COPA: variants seen among roughly 807,000 people sequenced by gnomAD.
The protein encoded by COPA is coatomer subunit alpha.
A neutral mutation model predicts 158.7 loss-of-function variants in COPA; 10 were observed. That is an observed-to-expected ratio of 0.06 (90% CI 0.04 to 0.11). The LOEUF (loss-of-function observed/expected upper bound fraction) is 0.11, where lower values mean the gene tolerates loss of function less well. Among genes scored for constraint, COPA ranks in the 10% least tolerant of loss-of-function variants. COPA has a pLI of 1.00. For missense variants in COPA, 1,065 were observed against 1,536.7 expected (o/e 0.69, Z 5.13); for synonymous variants, 462 against 542.8 (o/e 0.85, Z 2.07).
At chr1:160,316,750 C>CAAAAAAAAAAA (rs550170815) in intron 8 of COPA, among the ~76,000 whole-genome samples, 6 of 92,400 alleles carry the variant, frequency 6.5e-5, no homozygotes, top group Admixed American at 1.1e-4. Context: ...AATTCTGTCT[C>CAAAAAAAAAAA]AAAAAAAAAA....
intron 29 of COPA, 39 bp downstream of exon 29, chr1:160,291,973 G>A: frequency 1.2e-6 from 2 of 1,614,158 alleles, no homozygotes; most frequent in Non-Finnish European, 1.7e-6. Flanking sequence ...CAAGAATGTG[G>A]AAGTGCCCAG....
chr1:160,324,855 A>C (rs566667167), intron 7 of COPA, among the ~76,000 whole-genome samples: 1 of 152,344 alleles, frequency 6.6e-6, no homozygotes, highest in African/African-American at 2.4e-5. Context: ...GCTGATTTTA[A>C]GATACTGTAT....
intron 22 of COPA, 73 bp downstream of exon 22, chr1:160,295,988 C>G (rs974708248): frequency 1.3e-6 from 2 of 1,582,634 alleles, no homozygotes; most frequent in Admixed American, 1.7e-5. Flanking sequence ...GAGTGACATT[C>G]ATAATTTTAA....
chr1:160,298,898 C>A lies in COPA; in HGVS notation c.1924G>T (p.Val642Phe). 6.2e-7 allele frequency: 1 copy of A among 1,614,170 alleles called. No individual in the cohort carries two copies. Among genetic ancestry groups the A allele is most frequent in the Non-Finnish European group, 8.5e-7 (1 of 1,180,032 alleles). The part of the protein sequence containing the change: ...KGYPEVALHF[V>F]KDEKTRFSLA... ...CTAAAGCGAGTTTTCTCATCCTTGACAAAATGCAGTGCCACTTCAGGATAG... is the reference window on the plus strand; with the variant it reads ...CTAAAGCGAGTTTTCTCATCCTTGAAAAAATGCAGTGCCACTTCAGGATAG... Residue 642 changes from valine to phenylalanine, a missense_variant, in exon 19 of 33, where the codon GTC (valine) becomes TTC (phenylalanine). Coordinates refer to ENST00000241704, the MANE Select transcript of COPA (RefSeq NM_004371.4).
intron 19 of COPA, among the ~76,000 whole-genome samples, chr1:160,298,639 A>G (rs1658493163): frequency 6.6e-6 from 1 of 152,208 alleles, no homozygotes; most frequent in Admixed American, 6.5e-5. Context: ...GTTGACAAAA[A>G]TAGAAATGCG....
chr1:160,291,884 A>T lies in COPA; in HGVS notation c.3193T>A (p.Ser1065Thr), dbSNP rs777993833. 3.1e-6 allele frequency: 5 copies of T among 1,613,952 alleles called. No individual in the cohort carries two copies. In the South Asian group the frequency reaches 3.3e-5, roughly 11 times the overall value. Residue 1065 changes from serine (S) to threonine (T), a missense_variant, in exon 30 of 33, where the codon TCC becomes ACC. Coordinates refer to ENST00000241704, the MANE Select transcript of COPA (RefSeq NM_004371.4). ...TICREYIVGL[S>T]VETERKKLPK... ...AGCTTCTTCCTTTCTGTCTCCACGGACAAACCCACAATGTACTCACGGCAA... is the reference window on the plus strand; with the variant it reads ...AGCTTCTTCCTTTCTGTCTCCACGGTCAAACCCACAATGTACTCACGGCAA...
intron 17 of COPA, among the ~76,000 whole-genome samples, chr1:160,302,906 C>T (rs1053169249): frequency 2.0e-5 from 3 of 152,118 alleles, no homozygotes; most frequent in Non-Finnish European, 2.9e-5. Context: ...GGCATGGTGG[C>T]TAATGCCTGC....
intron 30 of COPA, 89 bp downstream of exon 30, chr1:160,291,730 A>C (rs1381588326): frequency 2.2e-6 from 3 of 1,367,888 alleles, no homozygotes; most frequent in Admixed American, 3.9e-5. Context: ...ATCCCCACTC[A>C]GATCTGGGTT....
chr1:160,299,455 G>A (rs902202337), intron 17 of COPA, among the ~76,000 whole-genome samples, 191 bp from the exon 18 acceptor site: 4 of 152,148 alleles, frequency 2.6e-5, no homozygotes, highest in Non-Finnish European at 4.4e-5. Flanking sequence ...TAGATGGCAC[G>A]ATCTTTATAT....
intron 28 of COPA, 140 bp downstream of exon 28, chr1:160,292,344 C>A: frequency 1.9e-6 from 3 of 1,567,798 alleles, no homozygotes; most frequent in Non-Finnish European, 2.6e-6. Flanking sequence ...GTAAACCAAC[C>A]CCATAGAGTA....
At position 160,299,773 on chromosome 1, in the gene COPA, T is replaced by C. The variant is rs1571154075; in HGVS notation, c.1668-509A>G. ...ATATTAAAAATTATTGGGTTCTACATGCATATATTAGGAGAAACTGAAAAT... is the reference window on the plus strand; with the variant it reads ...ATATTAAAAATTATTGGGTTCTACACGCATATATTAGGAGAAACTGAAAAT... On this transcript the variant is annotated intron_variant, in intron 17 of 32. Coordinates refer to ENST00000241704, the MANE Select transcript of COPA (RefSeq NM_004371.4). Among the ~76,000 whole-genome samples, 4 of 152,236 alleles carry C rather than the reference T, an allele frequency of 2.6e-5. No individual in the cohort carries two copies. The South Asian group carries it at 6.2e-4, about 24-fold the overall frequency.
In COPA at chr1:160,295,809, G is replaced by T; in HGVS notation, c.2403C>A (p.Ile801=). ...AAGGCCAATTGGTATCCAATGGCATGATAGGTGCAGGTGGCTGGAGCAGCT... is the reference window on the plus strand; with the variant it reads ...AAGGCCAATTGGTATCCAATGGCATTATAGGTGCAGGTGGCTGGAGCAGCT... The part of the protein sequence containing the change: ...NAKLLQPPAP[I]MPLDTNWPLL... The change falls in exon 23 of 33, where the codon ATC becomes ATA. Residue 801 remains isoleucine, a synonymous_variant. Transcript: ENST00000241704. 1 of 1,613,596 alleles carries T rather than the reference G, an allele frequency of 6.2e-7. No individual in the cohort carries two copies. The highest frequency in any genetic ancestry group is 8.5e-7 in the Non-Finnish European group (1 of 1,179,864).
chr1:160,305,476 T>C lies in COPA; in HGVS notation c.1624A>G (p.Ile542Val), dbSNP rs1658752631. 3 of 1,614,160 alleles carry C rather than the reference T, an allele frequency of 1.9e-6. No homozygotes were observed. Among genetic ancestry groups the C allele is most frequent in the Non-Finnish European group, 2.5e-6 (3 of 1,180,026 alleles). The stretch of plus-strand genomic sequence containing the variant: ...TTGATGTGGTTGCTTGTGGTATAGA[T>C]AAATACCCCACTCTCATCCCAGGCC... The part of the protein sequence containing the change: ...SGAWDESGVF[I>V]YTTSNHIKYA... The change falls in exon 17 of 33, where the codon ATC (isoleucine) becomes GTC (valine). Residue 542 changes from isoleucine to valine, a missense_variant. Transcript: ENST00000241704.
At chr1:160,292,416 C>T in intron 28 of COPA, 68 bp downstream of exon 28, 1 of 1,605,830 alleles carries the variant, frequency 6.2e-7, no homozygotes, top group African/African-American at 1.3e-5. Context: ...GACTATGTCA[C>T]TGAGGCTACC....
At chr1:160,302,537 T>C (rs1658644024) in intron 17 of COPA, among the ~76,000 whole-genome samples, 1 of 149,274 alleles carries the variant, frequency 6.7e-6, no homozygotes, top group African/African-American at 2.5e-5. Flanking sequence ...TTGTGTGGAA[T>C]TTCACAAGTT....
intron 12 of COPA, 60 bp downstream of exon 12, chr1:160,310,132 C>CATA: frequency 9.6e-7 from 1 of 1,041,162 alleles, no homozygotes; most frequent in Admixed American, 2.7e-5. Context: ...TCCCTAAGGG[C>CATA]ATAAGAAAGA....
At position 160,294,818 on chromosome 1, in the gene COPA, GTGTCAA is replaced by G. The variant is rs772631508; in HGVS notation, c.2510_2515del (p.Ile837_Asp838del). 196 of 1,613,992 alleles carry G rather than the reference GTGTCAA, an allele frequency of 1.2e-4. No homozygotes were observed. Among genetic ancestry groups the G allele is most frequent in the Non-Finnish European group, 1.5e-4 (180 of 1,180,006 alleles). On this transcript the variant is annotated inframe_deletion, in exon 24 of 33. Transcript: ENST00000241704. ...CTCTCCCCAGCCCTCTGTACCAACA[GTGTCAA>G]TGTCAATGTCAGCAGCCAGTGCTCC...
intron 31 of COPA, among the ~76,000 whole-genome samples, chr1:160,290,961 G>T (rs978780012): frequency 1.3e-5 from 2 of 152,178 alleles, no homozygotes; most frequent in African/African-American, 4.8e-5. Flanking sequence ...CCTAGAAAGG[G>T]TTAAAACAGA....
In COPA at chr1:160,332,561, C is replaced by T; in HGVS notation, c.387-4G>A. 1 of 1,562,294 alleles carries T rather than the reference C, an allele frequency of 6.4e-7. No homozygotes were observed. Among genetic ancestry groups the T allele is most frequent in the Non-Finnish European group, 8.6e-7 (1 of 1,158,024 alleles). ...ATGGTTGTGCCCTGTTAACACACTGCAAGAAAAAAAAAAGACAATACCAAA... is the reference window on the plus strand; with the variant it reads ...ATGGTTGTGCCCTGTTAACACACTGTAAGAAAAAAAAAAGACAATACCAAA... On this transcript the variant is annotated splice_region_variant and splice_polypyrimidine_tract_variant and intron_variant, in intron 5 of 32. Transcript: ENST00000241704.
Sources: gnomAD v4.1 joint callset for allele counts (sites outside exome capture counted in the v4.1 genomes callset) on GRCh38, gnomAD v4.1.1 for gene constraint, MANE v1.5 for transcripts, NCBI Gene and HGNC (gene_info 2026-07-23, HGNC 2026-07-21) for gene names.